IPCEF1: variants seen among roughly 807,000 people sequenced by gnomAD.
The protein encoded by IPCEF1 is interaction protein for cytohesin exchange factors 1, also known as interactor protein for cytohesin exchange factors 1.
A neutral mutation model predicts 50.9 loss-of-function variants in IPCEF1; 31 were observed. That is an observed-to-expected ratio of 0.61 (90% confidence interval 0.46 to 0.82). The LOEUF is 0.82. Among genes scored for constraint, IPCEF1 ranks in the 40% least tolerant of loss-of-function variants. IPCEF1 has a pLI of 0.00. For missense variants in IPCEF1, 458 were observed against 514.0 expected (o/e 0.89, Z 1.05); for synonymous variants, 181 against 192.0 (o/e 0.94, Z 0.47).
At chr6:154,269,488 T>A (rs558899226) in intron 2 of IPCEF1, among the ~76,000 whole-genome samples, 2 of 152,290 alleles carry the variant, frequency 1.3e-5, no homozygotes, top group South Asian at 4.1e-4. Context: ...TTTCTTTTCC[T>A]TTCTTTTTTT....
intron 2 of IPCEF1, among the ~76,000 whole-genome samples, chr6:154,283,377 A>C (rs923692017): frequency 1.3e-5 from 2 of 151,042 alleles, no homozygotes; most frequent in African/African-American, 4.9e-5. Flanking sequence ...CGGGTAGATC[A>C]CAAGGTCAGG....
chr6:154,171,623 T>C (rs987947997), intron 10 of IPCEF1, among the ~76,000 whole-genome samples: 2 of 152,182 alleles, frequency 1.3e-5, no homozygotes, highest in African/African-American at 4.8e-5. Context: ...TTATGGTATG[T>C]GAAATATATC....
At chr6:154,248,306 CGTGTGTGTGT>C (rs58415100) in intron 3 of IPCEF1, among the ~76,000 whole-genome samples, 1 of 147,240 alleles carries the variant, frequency 6.8e-6, no homozygotes, top group African/African-American at 2.5e-5. Flanking sequence ...CTTTAAAATA[CGTGTGTGTGT>C]GTGTGTGTGT....
intron 3 of IPCEF1, among the ~76,000 whole-genome samples, chr6:154,255,013 C>A (rs1338491314): frequency 6.6e-6 from 1 of 152,018 alleles, no homozygotes; most frequent in Non-Finnish European, 1.5e-5. Flanking sequence ...GTTTGAATGA[C>A]TACTCTCTTG....
chr6:154,338,374 C>T (rs1018201199), intron 1 of IPCEF1, among the ~76,000 whole-genome samples: 2 of 152,212 alleles, frequency 1.3e-5, no homozygotes, highest in Admixed American at 6.5e-5. Context: ...CAAAGAGTTT[C>T]GGTGATTTTC....
At chr6:154,235,531 C>CAAAAAAAAA (rs34877577) in intron 5 of IPCEF1, among the ~76,000 whole-genome samples, 1 of 97,588 alleles carries the variant, frequency 1.0e-5, no homozygotes, top group African/African-American at 3.7e-5. Flanking sequence ...AACTCTGTCA[C>CAAAAAAAAA]AAAAAAAAAA....
intron 1 of IPCEF1, among the ~76,000 whole-genome samples, chr6:154,314,585 C>A (rs780631321): frequency 6.6e-6 from 1 of 152,140 alleles, no homozygotes; most frequent in Non-Finnish European, 1.5e-5. Flanking sequence ...AATTCCTTTG[C>A]CTCATCTAAC....
chr6:154,246,541 C>A (rs776960012), intron 5 of IPCEF1, 50 bp downstream of exon 5: 5 of 1,558,342 alleles, frequency 3.2e-6, no homozygotes, highest in African/African-American at 1.4e-5. Flanking sequence ...ATGCCTTTAA[C>A]GTATCCCTCA....
intron 10 of IPCEF1, among the ~76,000 whole-genome samples, chr6:154,180,771 T>C (rs987818450): frequency 6.6e-6 from 1 of 152,224 alleles, no homozygotes; most frequent in Non-Finnish European, 1.5e-5. Context: ...AGGAGGGGAA[T>C]TCATATGCCA....
intron 1 of IPCEF1, among the ~76,000 whole-genome samples, chr6:154,310,799 T>G (rs1043972266): frequency 6.6e-6 from 1 of 152,062 alleles, no homozygotes; most frequent in Admixed American, 6.6e-5. Context: ...ATCTAAAAAC[T>G]TAATCTCATA....
chr6:154,275,863 T>C (rs1782042421), intron 2 of IPCEF1, among the ~76,000 whole-genome samples: 1 of 152,200 alleles, frequency 6.6e-6, no homozygotes, highest in African/African-American at 2.4e-5. Context: ...CCCTTTTGTC[T>C]GGCTAGATTT....
At chr6:154,224,604 G>A (rs1779113249) in intron 5 of IPCEF1, among the ~76,000 whole-genome samples, 1 of 152,168 alleles carries the variant, frequency 6.6e-6, no homozygotes, top group Admixed American at 6.5e-5. Flanking sequence ...TCAGCTACTT[G>A]GGAAGCTGAG....
chr6:154,302,687 C>T (rs1782828236), intron 1 of IPCEF1, among the ~76,000 whole-genome samples: 2 of 152,134 alleles, frequency 1.3e-5, no homozygotes, highest in South Asian at 4.1e-4. Flanking sequence ...GTTGCCCAGG[C>T]TGGTCTCGAA....
chr6:154,270,889 T>C (rs1449366600), intron 2 of IPCEF1, among the ~76,000 whole-genome samples: 1 of 152,146 alleles, frequency 6.6e-6, no homozygotes, highest in Non-Finnish European at 1.5e-5. Flanking sequence ...GGTGGGAGGA[T>C]GGCTTGAGCC....
intron 2 of IPCEF1, among the ~76,000 whole-genome samples, chr6:154,276,042 G>A (rs1389276285): frequency 6.6e-6 from 1 of 152,060 alleles, no homozygotes; most frequent in Non-Finnish European, 1.5e-5. Context: ...AATTTAGCTG[G>A]CCATGGTGGC....
intron 11 of IPCEF1, among the ~76,000 whole-genome samples, chr6:154,160,435 A>G (rs1798916881): frequency 6.6e-6 from 1 of 152,188 alleles, no homozygotes; most frequent in Non-Finnish European, 1.5e-5. Context: ...TTGGAACGTA[A>G]CACTTTACCT....
intron 5 of IPCEF1, among the ~76,000 whole-genome samples, chr6:154,228,039 A>T (rs2128622955): frequency 6.6e-6 from 1 of 152,286 alleles, no homozygotes; most frequent in South Asian, 2.1e-4. Flanking sequence ...TCTTGAGAGA[A>T]TGACAGTGTT....
At chr6:154,179,605 C>T (rs1443051651) in intron 10 of IPCEF1, among the ~76,000 whole-genome samples, 3 of 152,172 alleles carry the variant, frequency 2.0e-5, no homozygotes, top group Non-Finnish European at 4.4e-5. Context: ...AGTCTTCCTA[C>T]ATAAAACAGC....
At chr6:154,231,911 A>G (rs1418883918) in intron 5 of IPCEF1, among the ~76,000 whole-genome samples, 1 of 152,212 alleles carries the variant, frequency 6.6e-6, no homozygotes, top group African/African-American at 2.4e-5. Flanking sequence ...GAATGTAAAC[A>G]TGGTGACATA....
Sources: gnomAD v4.1 joint callset for allele counts (sites outside exome capture counted in the v4.1 genomes callset) on GRCh38, gnomAD v4.1.1 for gene constraint, MANE v1.5 for transcripts, NCBI Gene and HGNC (gene_info 2026-07-23, HGNC 2026-07-21) for gene names.